LAMA1: variants seen among roughly 807,000 people sequenced by gnomAD.
The protein encoded by LAMA1 is laminin subunit alpha 1.
A neutral mutation model predicts 348.7 loss-of-function variants in LAMA1; 219 were observed. That is an observed-to-expected ratio of 0.63 (90% CI 0.56 to 0.70). The LOEUF (loss-of-function observed/expected upper bound fraction) is 0.70, where lower values mean the gene tolerates loss of function less well. Ranked by LOEUF, LAMA1 falls within the 30% of genes least tolerant of loss-of-function variation. LAMA1 has a pLI of 0.00. For missense variants in LAMA1, 3,744 were observed against 3,888.0 expected, an observed-to-expected ratio of 0.96 and a Z score of 0.99; for synonymous variants, 1,487 against 1,491.0, an observed-to-expected ratio of 1.00 and a Z score of 0.06.
chr18:6,994,615 G>A (rs913251569), intron 34 of LAMA1, among the ~76,000 whole-genome samples: 1 of 151,810 alleles, frequency 6.6e-6, no homozygotes, highest in Non-Finnish European at 1.5e-5. Context: ...TTGTGTATGT[G>A]TGCATGTGTT....
At chr18:7,113,913 A>G (rs1171673084) in intron 1 of LAMA1, among the ~76,000 whole-genome samples, 2 of 152,036 alleles carry the variant, frequency 1.3e-5, no homozygotes, top group Non-Finnish European at 1.5e-5. Flanking sequence ...CGTCTCTACT[A>G]AAGAATACAA....
Position 6,993,735 on chromosome 18 carries a change from CG to C in LAMA1, c.4913del (p.Ala1638GlyfsTer6). On this transcript the variant is annotated frameshift_variant, in exon 35 of 63. Transcript: ENST00000389658. LOFTEE classifies it high-confidence loss of function. ...NLQKKLTRML[A>X]STQKVNRATE... ...TTGCCCTATTCACCTTTTGGGTACT[CG>C]CTAACATCCTAGTGAGCTGGTGGAA... The C allele has an allele frequency of 3.1e-6, 5 of 1,610,670 alleles. No homozygotes were observed. The highest frequency in any genetic ancestry group is 4.2e-6 in the Non-Finnish European group (5 of 1,176,816).
intron 55 of LAMA1, among the ~76,000 whole-genome samples, chr18:6,958,209 T>C (rs759722060): frequency 2.0e-5 from 3 of 152,142 alleles, no homozygotes; most frequent in African/African-American, 7.2e-5. Flanking sequence ...GTCAAAAATA[T>C]ATTAAAATCC....
intron 1 of LAMA1, among the ~76,000 whole-genome samples, chr18:7,086,283 A>G (rs1388534791): frequency 6.6e-6 from 1 of 152,214 alleles, no homozygotes; most frequent in African/African-American, 2.4e-5. Flanking sequence ...AACAGATTTG[A>G]GGAGATGTTC....
Position 7,084,164 on chromosome 18 carries a change from AT to A in LAMA1, c.62-3708del, listed in dbSNP as rs141004149. On this transcript the variant is annotated intron_variant, in intron 1 of 62. Transcript: ENST00000389658. The stretch of plus-strand genomic sequence containing the variant: ...CAAGCATGTTTTAAACAGAATTTTT[AT>A]TTTTTTTTTAGATGGGGTTTCACTC... Among the ~76,000 whole-genome samples, 99 of 139,728 alleles carry A rather than the reference AT, an allele frequency of 7.1e-4. 1 individual carries two copies. The East Asian group carries it at 0.012, about 17-fold the overall frequency. 91.7% of individuals were successfully genotyped at this position (139,728 alleles called of 152,430 possible). A position where few individuals can be genotyped will look rare whatever the true frequency, so the allele number is the denominator to read the frequency against.
chr18:6,972,941 T>C, intron 47 of LAMA1, 116 bp downstream of exon 47: 1 of 1,126,768 alleles, frequency 8.9e-7, no homozygotes, highest in Non-Finnish European at 1.3e-6. Flanking sequence ...TCTGCCCACC[T>C]TGGCCTCCCA....
chr18:7,101,877 C>A (rs2143821388), intron 1 of LAMA1, among the ~76,000 whole-genome samples: 1 of 149,716 alleles, frequency 6.7e-6, no homozygotes, highest in Non-Finnish European at 1.5e-5. Context: ...GGGGGTCTCC[C>A]TATGTTGCCC....
At position 6,968,840 on chromosome 18, in the gene LAMA1, A is replaced by G. The variant is rs78042786; in HGVS notation, c.6900-2543T>C. On this transcript the variant is annotated intron_variant, in intron 48 of 62. Transcript: ENST00000389658. The stretch of plus-strand genomic sequence containing the variant: ...CACGTTTAAGAGTAAACAGTCAAAA[A>G]TTTTTTAAAAATTTAGAGGACATCG... Among the ~76,000 whole-genome samples the G allele has an allele frequency of 6.0e-3, 913 of 152,310 alleles. 8 individuals are homozygous for G. The highest frequency in any genetic ancestry group is 0.021 in the African/African-American group (863 of 41,564).
Position 7,010,226 on chromosome 18 carries a change from G to A in LAMA1, c.3847C>T (p.Gln1283Ter). ...TCTCTCATTGCTACTTCTTGTTCCTGTCTCACTCCATTCTCTGGGGCTGGT... is the reference window on the plus strand; with the variant it reads ...TCTCTCATTGCTACTTCTTGTTCCTATCTCACTCCATTCTCTGGGGCTGGT... ...DAPAPENGVR[Q>*]EQEVAMRENF... The change falls in exon 26 of 63, where the codon CAG becomes TAG. Residue 1283 changes from glutamine (Q) to a stop codon, truncating the protein, a stop_gained. Coordinates refer to ENST00000389658, the MANE Select transcript of LAMA1 (RefSeq NM_005559.4). LOFTEE classifies it high-confidence loss of function. 1 of 1,614,096 alleles carries A rather than the reference G, an allele frequency of 6.2e-7. No homozygotes were observed. The highest frequency in any genetic ancestry group is 8.5e-7 in the Non-Finnish European group (1 of 1,180,016).
intron 49 of LAMA1, 91 bp from the exon 50 acceptor site, chr18:6,965,523 G>C: frequency 6.9e-7 from 1 of 1,458,398 alleles, no homozygotes; most frequent in South Asian, 1.1e-5. Context: ...ACCTTCTAAA[G>C]TCAAACTGAG....
At chr18:7,038,163 T>C (rs2058003763) in intron 11 of LAMA1, among the ~76,000 whole-genome samples, 1 of 152,292 alleles carries the variant, frequency 6.6e-6, no homozygotes, top group East Asian at 1.9e-4. Context: ...CTAGATCTTA[T>C]ACTCCCAATG....
chr18:6,961,745 A>G lies in LAMA1; in HGVS notation c.7467T>C (p.Val2489=). The change falls in exon 53 of 63, where the codon GTT becomes GTC. Residue 2489 remains valine (V), a synonymous_variant. Coordinates refer to ENST00000389658, the MANE Select transcript of LAMA1 (RefSeq NM_005559.4). ...CAATGTAGCCGCCTTTCAGGAAGCTAACACTCCGGATGGGCTGGACACAGA... is the reference window on the plus strand; with the variant it reads ...CAATGTAGCCGCCTTTCAGGAAGCTGACACTCCGGATGGGCTGGACACAGA... ...KGCLLEPIRS[V]SFLKGGYIEL... 6.2e-7 allele frequency: 1 copy of G among 1,614,140 alleles called. No individual in the cohort carries two copies. Among genetic ancestry groups the G allele is most frequent in the Non-Finnish European group, 8.5e-7 (1 of 1,180,026 alleles).
intron 56 of LAMA1, chr18:6,956,405 C>A (rs776200781): frequency 1.5e-6 from 1 of 689,286 alleles, no homozygotes; most frequent in East Asian, 2.9e-5. Flanking sequence ...CAGCCCAATG[C>A]GCGGCCTGGG....
chr18:6,966,194 T>C lies in LAMA1; in HGVS notation c.7003A>G (p.Thr2335Ala), dbSNP rs773993211. 6.2e-7 allele frequency: 1 copy of C among 1,614,072 alleles called. No individual in the cohort carries two copies. The highest frequency in any genetic ancestry group is 8.5e-7 in the Non-Finnish European group (1 of 1,180,014). The change falls in exon 49 of 63, where the codon ACC (threonine) becomes GCC (alanine). Residue 2335 changes from threonine (T) to alanine (A), a missense_variant. Thr to Ala is a moderately conservative substitution (Grantham distance 58). Coordinates refer to ENST00000389658, the MANE Select transcript of LAMA1 (RefSeq NM_005559.4). ...TVTQIIMLFN[T>A]FSPNGLLLYL... ...AGAAGAAGTCCATTAGGTGAAAAGG[T>C]ATTAAAAAGCATGATTATCTGGGTC...
intron 42 of LAMA1, 74 bp downstream of exon 42, chr18:6,980,447 A>T: frequency 9.7e-7 from 1 of 1,031,140 alleles, no homozygotes; most frequent in Non-Finnish European, 1.5e-6. Context: ...TTGAGGCAGG[A>T]CTTCCTTATG....
chr18:7,111,668 A>G (rs1029106569), intron 1 of LAMA1, among the ~76,000 whole-genome samples: 3 of 152,220 alleles, frequency 2.0e-5, no homozygotes, highest in Admixed American at 6.5e-5. Flanking sequence ...TAATTTTGCA[A>G]TGCCTTGGTT....
chr18:7,018,638 G>A (rs1386630364), intron 19 of LAMA1, among the ~76,000 whole-genome samples: 1 of 152,054 alleles, frequency 6.6e-6, no homozygotes. Flanking sequence ...CTTGTGATCT[G>A]CCCGCCTCGG....
chr18:7,081,677 G>A (rs2058193940), intron 1 of LAMA1, among the ~76,000 whole-genome samples: 1 of 152,086 alleles, frequency 6.6e-6, no homozygotes, highest in Admixed American at 6.5e-5. Context: ...TGGTAAAAGG[G>A]GATAGCAGCA....
chr18:6,956,373 C>G, intron 56 of LAMA1: 1 of 618,614 alleles, frequency 1.6e-6, no homozygotes, highest in South Asian at 1.6e-5. Flanking sequence ...TATAGAAGCT[C>G]TGCCAAAAGC....
Sources: gnomAD v4.1 joint callset for allele counts (sites outside exome capture counted in the v4.1 genomes callset) on GRCh38, gnomAD v4.1.1 for gene constraint, MANE v1.5 for transcripts, NCBI Gene and HGNC (gene_info 2026-07-23, HGNC 2026-07-21) for gene names.